The following PLA2G4D variants were observed in gnomAD, a reference collection of about 807,000 sequenced individuals.
PLA2G4D encodes the protein phospholipase A2 group IVD.
PLA2G4D carries 80 observed loss-of-function variants against 94.4 expected under a neutral mutation model. The ratio of observed to expected loss-of-function variants is 0.85; its 90% CI spans 0.71 to 1.02. The LOEUF (loss-of-function observed/expected upper bound fraction) is 1.02. Ranked by LOEUF, PLA2G4D falls within the 50% of genes least tolerant of loss-of-function variation. The pLI is 0.00. For missense variants in PLA2G4D, 1,050 were observed against 1,034.7 expected, an observed-to-expected ratio of 1.01 and a Z score of -0.20; for synonymous variants, 438 against 440.9, an observed-to-expected ratio of 0.99 and a Z score of 0.08.
chr15:42,086,242 G>C lies in PLA2G4D; in HGVS notation c.358C>G (p.Leu120Val). The C allele has an allele frequency of 1.9e-6, 3 of 1,594,748 alleles. No individual in the cohort carries two copies. The South Asian group carries it at 3.3e-5, about 18-fold the overall frequency. Residue 120 changes from leucine to valine, a missense_variant, in exon 4 of 20, where the codon CTC becomes GTC. By Grantham distance (32) the Leu-to-Val change is conservative (BLOSUM62 1). Coordinates refer to ENST00000290472, the MANE Select transcript of PLA2G4D (RefSeq NM_178034.4). The stretch of plus-strand genomic sequence containing the variant: ...GGACTCTGGGAGAAGGTTTTCCGGA[G>C]CAGCTTGCCAGGGAGGACTTCTGAG... The part of the protein sequence containing the change: ...DISEVLPGKL[L>V]RKTFSQSPQG...
intron 13 of PLA2G4D, among the ~76,000 whole-genome samples, chr15:42,078,622 C>T (rs1407344908): frequency 2.0e-5 from 3 of 151,936 alleles, no homozygotes; most frequent in Admixed American, 6.6e-5. Context: ...TTAGTTTACA[C>T]GATAATCATT....
intron 12 of PLA2G4D, 55 bp from the exon 13 acceptor site, chr15:42,079,814 G>GC: frequency 6.5e-7 from 1 of 1,527,854 alleles, no homozygotes; most frequent in Non-Finnish European, 8.8e-7. Context: ...ATGGGGCGCT[G>GC]CAACTCCTGC....
intron 10 of PLA2G4D, 65 bp from the exon 11 acceptor site, chr15:42,081,679 C>T: frequency 1.2e-6 from 2 of 1,610,088 alleles, no homozygotes; most frequent in East Asian, 2.2e-5. Context: ...GCTGGCCAAG[C>T]CCACAATGAG....
intron 15 of PLA2G4D, 33 bp downstream of exon 15, chr15:42,071,741 G>A: frequency 6.2e-7 from 1 of 1,612,430 alleles, no homozygotes. Flanking sequence ...CTGGCCCAGG[G>A]CTGCCCAGGG....
At chr15:42,085,912 T>C (rs1172304488) in intron 4 of PLA2G4D, among the ~76,000 whole-genome samples, 1 of 152,218 alleles carries the variant, frequency 6.6e-6, no homozygotes, top group Non-Finnish European at 1.5e-5. Context: ...GGAAGGGACG[T>C]GAGGCCTTCA....
At chr15:42,089,529 C>G (rs1468260525) in intron 1 of PLA2G4D, among the ~76,000 whole-genome samples, 5 of 152,288 alleles carry the variant, frequency 3.3e-5, no homozygotes, top group Admixed American at 3.3e-4. Flanking sequence ...CCAGTGGCAC[C>G]AGCAACATGT....
At chr15:42,079,510 T>C (rs761564302) in intron 13 of PLA2G4D, 27 bp downstream of exon 13, 92 of 1,564,366 alleles carry the variant, frequency 5.9e-5, no homozygotes, top group Non-Finnish European at 7.8e-5. Flanking sequence ...CACACACGCG[T>C]CTCCCCCACG....
chr15:42,069,965 G>C lies in PLA2G4D; in HGVS notation c.2174C>G (p.Pro725Arg), dbSNP rs146853362. 3 of 1,466,056 alleles carry C rather than the reference G, an allele frequency of 2.0e-6. No homozygotes were observed. Among genetic ancestry groups the C allele is most frequent in the Non-Finnish European group, 2.7e-6 (3 of 1,112,160 alleles). The allele number at this position is 1,466,056 out of a possible 1,614,324, so 90.8% of individuals were successfully genotyped here. ...LFSDPACPEA[P>R]ILLHFPLVNA... is the part of the protein sequence containing the mutation. Reference sequence around the variant, plus strand: ...GACCAGCGGGAAGTGCAGCAGGATCGGGGCCTCGGGGCAGGCGGGGTCTGA... The same window carrying C: ...GACCAGCGGGAAGTGCAGCAGGATCCGGGCCTCGGGGCAGGCGGGGTCTGA... Residue 725 changes from proline (P) to arginine (R), a missense_variant, in exon 19 of 20, where the codon CCG becomes CGG. Transcript: ENST00000290472.
intron 3 of PLA2G4D, 82 bp downstream of exon 3, chr15:42,087,218 G>T: frequency 6.4e-7 from 1 of 1,572,194 alleles, no homozygotes; most frequent in South Asian, 1.1e-5. Flanking sequence ...CAGCCCCAGA[G>T]GAAGCATGCT....
rs777353392 is a variant in PLA2G4D at position 42,071,280 on chromosome 15, C to A, written c.1719G>T (p.Arg573=). ...EPLTTSGTSS[R]LEASWLQPGT... is the part of the protein sequence containing the mutation. Reference sequence around the variant, plus strand: ...CTGGCTGCAGCCACGAGGCCTCCAGCCGCGAGGAGGTCCCCGAGGTGGTCA... The same window carrying A: ...CTGGCTGCAGCCACGAGGCCTCCAGACGCGAGGAGGTCCCCGAGGTGGTCA... The change falls in exon 17 of 20, where the codon CGG becomes CGT. Residue 573 remains arginine, a synonymous_variant. Transcript: ENST00000290472. 1.6e-5 allele frequency: 25 copies of A among 1,599,016 alleles called. No homozygotes were observed. Among genetic ancestry groups the A allele is most frequent in the Non-Finnish European group, 2.0e-5 (24 of 1,175,528 alleles).
Position 42,084,869 on chromosome 15 carries a change from C to T in PLA2G4D, c.471+227G>A, listed in dbSNP as rs978610898. 1.3e-5 allele frequency among the ~76,000 whole-genome samples: 2 copies of T among 152,190 alleles called. No homozygotes were observed. Among genetic ancestry groups the T allele is most frequent in the Admixed American group, 1.3e-4 (2 of 15,284 alleles). ...CACCCCGAACAGCCGTGGGCCAGAA[C>T]CTCCTCTCAGCAGAGCCCTGCCTCC... On this transcript the variant is annotated intron_variant, in intron 6 of 19. Transcript: ENST00000290472. The surrounding 1 kb of genome is among the most constrained non-coding windows in gnomAD (Gnocchi z 4.8).
Position 42,081,600 on chromosome 15 carries a change from G to C in PLA2G4D, c.836C>G (p.Ala279Gly), listed in dbSNP as rs1373575186. The C allele has an allele frequency of 1.2e-6, 2 of 1,614,112 alleles. No homozygotes were observed. Among genetic ancestry groups the C allele is most frequent in the Admixed American group, 1.7e-5 (1 of 60,034 alleles). ...LKAEGCPEEL[A>G]VHLGFNLCAE... ...ACAGAGATTGAAGCCCAGGTGCACG[G>C]CCAGCTCCTCAGGGCTGTGGCAATG... The change falls in exon 11 of 20, where the codon GCC becomes GGC. Residue 279 changes from alanine (A) to glycine (G), a missense_variant. Transcript: ENST00000290472.
At chr15:42,082,165 C>G in intron 9 of PLA2G4D, 114 bp downstream of exon 9, 2 of 895,296 alleles carry the variant, frequency 2.2e-6, no homozygotes, top group Non-Finnish European at 3.5e-6. Flanking sequence ...CTCCTGACTT[C>G]AGGTGATCCG....
At position 42,083,240 on chromosome 15, in the gene PLA2G4D, G is replaced by C. The variant is rs147259318; in HGVS notation, c.630C>G (p.His210Gln). The change falls in exon 8 of 20, where the codon CAC (histidine) becomes CAG (glutamine). Residue 210 changes from histidine (H) to glutamine (Q), a missense_variant. Coordinates refer to ENST00000290472, the MANE Select transcript of PLA2G4D (RefSeq NM_178034.4). Reference protein sequence around the residue: ...FLGTASAFRFHYMAALETELS... With the variant: ...FLGTASAFRFQYMAALETELS... ...GCTCTGTCTCTAGGGCTGCCATGTA[G>C]TGGAAGCGGAAGGCAGAGGCTGTGC... 242 of 1,614,180 alleles carry C rather than the reference G, an allele frequency of 1.5e-4. No homozygotes were observed. The African/African-American group carries it at 2.7e-3, about 18-fold the overall frequency.
chr15:42,081,752 G>C, intron 10 of PLA2G4D, 45 bp downstream of exon 10: 2 of 1,613,822 alleles, frequency 1.2e-6, no homozygotes. Context: ...CTCCCCTCCT[G>C]CATGCCCGCC....
chr15:42,069,192 A>G (rs1204266253), intron 19 of PLA2G4D, among the ~76,000 whole-genome samples: 1 of 152,166 alleles, frequency 6.6e-6, no homozygotes, highest in African/African-American at 2.4e-5. Flanking sequence ...AGGCAGCCCC[A>G]CATGTCTCTA....
In PLA2G4D at chr15:42,083,901, G is replaced by C. The variant is rs1407178116; in HGVS notation, c.472-122C>G. ...ACACACAAGGAGTTGTGTGGGCTCA[G>C]GATGGGATTGGCTGCAGAGGCCCTT... On this transcript the variant is annotated intron_variant, in intron 6 of 19. Coordinates refer to ENST00000290472, the MANE Select transcript of PLA2G4D (RefSeq NM_178034.4). 1.4e-5 allele frequency: 13 copies of C among 953,142 alleles called. No individual in the cohort carries two copies. The East Asian group carries it at 3.3e-4, about 24-fold the overall frequency. 59.0% of individuals were successfully genotyped at this position (953,142 alleles called of 1,614,324 possible).
intron 1 of PLA2G4D, among the ~76,000 whole-genome samples, chr15:42,091,167 C>G (rs1890238426): frequency 6.6e-6 from 1 of 152,188 alleles, no homozygotes; most frequent in South Asian, 2.1e-4. Flanking sequence ...TGGCAAGCCA[C>G]CCAGGCGCCG....
chr15:42,081,927 CTTTT>C (rs398027016), intron 9 of PLA2G4D, 93 bp from the exon 10 acceptor site: 2,524 of 699,688 alleles, frequency 3.6e-3, no homozygotes, highest in East Asian at 6.5e-3. Context: ...CATCTTCATT[CTTTT>C]TTTTTTTTTT....
Sources: gnomAD v4.1 joint callset for allele counts (sites outside exome capture counted in the v4.1 genomes callset) on GRCh38, gnomAD v4.1.1 for gene constraint, Gnocchi (gnomAD v3.1) non-coding constraint, MANE v1.5 for transcripts, NCBI Gene and HGNC (gene_info 2026-07-23, HGNC 2026-07-21) for gene names.